Variants in PGM2L1 observed in about 807,000 individuals in gnomAD.
PGM2L1 encodes phosphoglucomutase 2 like 1.
In PGM2L1, 35 loss-of-function variants were observed where a neutral mutation model predicts 73.4. The observed-to-expected ratio is 0.48, with a 90% CI of 0.36 to 0.63. The LOEUF is 0.63. Ranked by LOEUF, PGM2L1 falls within the 30% of genes least tolerant of loss-of-function variation. The pLI, the probability that PGM2L1 is intolerant of heterozygous loss-of-function variation, is 0.00. For synonymous variants in PGM2L1, 225 were observed against 253.8 expected, an observed-to-expected ratio of 0.89 and a Z score of 1.08; for missense variants, 570 against 742.0, an observed-to-expected ratio of 0.77 and a Z score of 2.69.
intron 5 of PGM2L1, among the ~76,000 whole-genome samples, chr11:74,363,463 C>T (rs1474375615): frequency 5.9e-5 from 9 of 151,452 alleles, no homozygotes; most frequent in South Asian, 2.1e-4. Flanking sequence ...ACAAAACTGA[C>T]AGACCGCTAG....
chr11:74,397,322 C>A lies in PGM2L1; in HGVS notation c.111+729G>T, dbSNP rs191075712. ...CACAAATTCATCCCAAATGCCCGCA[C>A]GAGGTTTAATTACCACCACAACTTG... On this transcript the variant is annotated intron_variant, in intron 1 of 13. Coordinates refer to ENST00000298198, the MANE Select transcript of PGM2L1 (RefSeq NM_173582.6). Among the ~76,000 whole-genome samples the A allele has an allele frequency of 6.0e-4, 81 of 135,494 alleles. No homozygotes were observed. The East Asian group carries it at 0.018, about 30-fold the overall frequency. 88.9% of individuals were successfully genotyped at this position (135,494 alleles called of 152,430 possible). A position where few individuals can be genotyped will look rare whatever the true frequency, so the allele number is the denominator to read the frequency against.
chr11:74,378,415 C>G (rs894560067), intron 1 of PGM2L1, among the ~76,000 whole-genome samples: 4 of 152,050 alleles, frequency 2.6e-5, no homozygotes, highest in African/African-American at 9.7e-5. Context: ...TTGCTTTTAA[C>G]TAGCATATCT....
chr11:74,395,549 C>CCT (rs1218218679), intron 1 of PGM2L1, among the ~76,000 whole-genome samples: 2 of 64,918 alleles, frequency 3.1e-5, no homozygotes, highest in Non-Finnish European at 2.5e-5. Flanking sequence ...CCTCGCCTGG[C>CCT]TTTTTTTTTT....
At chr11:74,373,321 G>A (rs1862804378) in intron 2 of PGM2L1, among the ~76,000 whole-genome samples, 1 of 152,184 alleles carries the variant, frequency 6.6e-6, no homozygotes, top group Non-Finnish European at 1.5e-5. Context: ...TGAGGAAGGA[G>A]GGCAGGTATT....
intron 10 of PGM2L1, 148 bp downstream of exon 10, chr11:74,343,175 T>C (rs1237003967): frequency 7.6e-7 from 1 of 1,310,056 alleles, no homozygotes. Context: ...CTTTTTTTTT[T>C]CTGATAAGAA....
intron 5 of PGM2L1, chr11:74,355,687 A>G: frequency 1.9e-6 from 1 of 513,092 alleles, no homozygotes; most frequent in Non-Finnish European, 3.9e-6. Flanking sequence ...TGGTGGTTCC[A>G]ATAGCAGCAG....
At chr11:74,391,148 A>T (rs1365604885) in intron 1 of PGM2L1, among the ~76,000 whole-genome samples, 1 of 150,804 alleles carries the variant, frequency 6.6e-6, no homozygotes. Context: ...TGGGTCCTTC[A>T]TTCTTTCCTT....
chr11:74,393,385 T>C (rs1381192416), intron 1 of PGM2L1, among the ~76,000 whole-genome samples: 1 of 152,034 alleles, frequency 6.6e-6, no homozygotes, highest in South Asian at 2.1e-4. Flanking sequence ...GACCCTGGAG[T>C]AGACCACCTT....
At position 74,398,117 on chromosome 11, in the gene PGM2L1, G is replaced by T. The variant is rs747333499; in HGVS notation, c.45C>A (p.His15Gln). Residue 15 changes from histidine (H) to glutamine (Q), a missense_variant, in exon 1 of 14, where the codon CAC becomes CAA. His to Gln is a conservative substitution (Grantham distance 24). Transcript: ENST00000298198. The part of the protein sequence containing the change: ...TEGDLNSNLL[H>Q]APYHTGDPQL... The stretch of plus-strand genomic sequence containing the variant: ...GAGGGTCCCCGGTGTGGTAGGGGGC[G>T]TGGAGCAGGTTGGAGTTCAGATCCC... 2 of 1,613,142 alleles carry T rather than the reference G, an allele frequency of 1.2e-6. No homozygotes were observed. Among genetic ancestry groups the T allele is most frequent in the East Asian group, 2.2e-5 (1 of 44,810 alleles).
chr11:74,360,160 GT>G (rs1862533251), intron 5 of PGM2L1, among the ~76,000 whole-genome samples: 1 of 152,054 alleles, frequency 6.6e-6, no homozygotes, highest in Non-Finnish European at 1.5e-5. Context: ...AACCTGGAAG[GT>G]TGAAGCTGCA....
intron 5 of PGM2L1, among the ~76,000 whole-genome samples, chr11:74,361,978 G>T (rs1348117701): frequency 6.6e-6 from 1 of 152,164 alleles, no homozygotes; most frequent in African/African-American, 2.4e-5. Flanking sequence ...CACTCTGCAG[G>T]ATATTATCCA....
chr11:74,383,823 A>AT lies in PGM2L1; in HGVS notation c.112-9242_112-9241insA, dbSNP rs1491467897. Reference sequence around the variant, plus strand: ...TAGTATTCTATGGAGATATATAAATAAATATATATATATATATATAACATT... The same window carrying AT: ...TAGTATTCTATGGAGATATATAAATATAATATATATATATATATATAACATT... On this transcript the variant is annotated intron_variant, in intron 1 of 13. Transcript: ENST00000298198. Among the ~76,000 whole-genome samples, 339 of 96,590 alleles carry AT rather than the reference A, an allele frequency of 3.5e-3. 5 individuals are homozygous for AT. Among genetic ancestry groups the AT allele is most frequent in the African/African-American group, 9.8e-3 (210 of 21,438 alleles). 63.4% of individuals were successfully genotyped at this position (96,590 alleles called of 152,430 possible). A position where few individuals can be genotyped will look rare whatever the true frequency, so the allele number is the denominator to read the frequency against.
rs1862195886 is a variant in PGM2L1, at chr11:74,342,392, C to T, written c.1632+69G>A. 4.9e-6 allele frequency: 6 copies of T among 1,228,162 alleles called. No individual in the cohort carries two copies. In the South Asian group the frequency reaches 1.1e-4, roughly 23 times the overall value. 76.1% of individuals were successfully genotyped at this position (1,228,162 alleles called of 1,614,324 possible). A position where few individuals can be genotyped will look rare whatever the true frequency, so the allele number is the denominator to read the frequency against. ...GAATCTCATGTGAAATCTGTCCTGC[C>T]TCTGGACTTTTTGGTGACATGAGCC... On this transcript the variant is annotated intron_variant, in intron 12 of 13. Coordinates refer to ENST00000298198, the MANE Select transcript of PGM2L1 (RefSeq NM_173582.6).
intron 8 of PGM2L1, 144 bp from the exon 9 acceptor site, chr11:74,345,793 T>C (rs1297957322): frequency 6.9e-6 from 5 of 720,332 alleles, no homozygotes; most frequent in Admixed American, 5.9e-5. Flanking sequence ...TATTACTACT[T>C]CTTTTCTAAC....
At position 74,334,879 on chromosome 11, in the gene PGM2L1, C is replaced by T. The variant is rs944524488; in HGVS notation, c.*1773G>A. Reference sequence around the variant, plus strand: ...CAAGATACATTTTAAGAAGATTAAACACAGCATTTCTTTTTCTCTCTCTCT... The same window carrying T: ...CAAGATACATTTTAAGAAGATTAAATACAGCATTTCTTTTTCTCTCTCTCT... On this transcript the variant is annotated 3_prime_UTR_variant, in exon 14 of 14. Coordinates refer to ENST00000298198, the MANE Select transcript of PGM2L1 (RefSeq NM_173582.6). The T allele has an allele frequency of 6.6e-6, 1 of 150,774 alleles. No individual in the cohort carries two copies. Among genetic ancestry groups the T allele is most frequent in the Non-Finnish European group, 1.5e-5 (1 of 67,810 alleles). The allele number at this position is 150,774 out of a possible 1,614,324, so 9.3% of individuals were successfully genotyped here. A position where few individuals can be genotyped will look rare whatever the true frequency, so the allele number is the denominator to read the frequency against.
intron 1 of PGM2L1, among the ~76,000 whole-genome samples, chr11:74,386,339 A>G (rs1168279659): frequency 6.6e-6 from 1 of 152,158 alleles, no homozygotes; most frequent in Admixed American, 6.5e-5. Flanking sequence ...TATTTTTCAC[A>G]ATGGCAAAGA....
intron 5 of PGM2L1, among the ~76,000 whole-genome samples, chr11:74,364,057 G>A (rs976162369): frequency 1.8e-4 from 28 of 152,150 alleles, no homozygotes; most frequent in African/African-American, 4.1e-4. Context: ...AGGCTGGTTC[G>A]ACATATGCAA....
intron 1 of PGM2L1, among the ~76,000 whole-genome samples, chr11:74,393,005 T>C (rs537795655): frequency 2.7e-4 from 41 of 152,330 alleles, no homozygotes; most frequent in African/African-American, 8.9e-4. Flanking sequence ...CGTATCTCCT[T>C]TAGCAAGTCA....
rs2134869695 is a variant in PGM2L1, at chr11:74,332,647, G to A, written c.*4005C>T. The A allele has an allele frequency of 6.6e-6, 1 of 152,608 alleles. No individual in the cohort carries two copies. Among genetic ancestry groups the A allele is most frequent in the Middle Eastern group, 3.4e-3 (1 of 294 alleles). The allele number at this position is 152,608 out of a possible 1,614,324, so 9.5% of individuals were successfully genotyped here. ...TTTTCAAGCATCACAAATATCAATGGAAAATGTGGAAAAAAGTACTGATAG... is the reference window on the plus strand; with the variant it reads ...TTTTCAAGCATCACAAATATCAATGAAAAATGTGGAAAAAAGTACTGATAG... On this transcript the variant is annotated 3_prime_UTR_variant, in exon 14 of 14. Transcript: ENST00000298198.
Sources: allele counts gnomAD v4.1 joint callset (sites outside exome capture counted in the v4.1 genomes callset), GRCh38; gene constraint gnomAD v4.1.1; transcripts MANE v1.5; gene names NCBI Gene and HGNC (gene_info 2026-07-23, HGNC 2026-07-21).